Variants in MMP16 observed in about 807,000 individuals in gnomAD.
MMP16 encodes the protein matrix metalloproteinase-16.
A neutral mutation model predicts 67.8 loss-of-function variants in MMP16; 12 were observed. The observed-to-expected ratio is 0.18, with a 90% CI of 0.11 to 0.29. The LOEUF (loss-of-function observed/expected upper bound fraction) is 0.29. MMP16 is among the 10% of genes least tolerant of loss of function. The pLI, the probability that MMP16 is intolerant of heterozygous loss-of-function variation, is 1.00. For synonymous variants in MMP16, 249 were observed against 255.9 expected (o/e 0.97, Z 0.26); for missense variants, 475 against 765.7 (o/e 0.62, Z 4.48).
rs1048332484 is a variant in MMP16 at position 88,041,388 on chromosome 8, A to G, written c.*73T>C. 5.4e-6 allele frequency: 8 copies of G among 1,473,072 alleles called. No homozygotes were observed. Among genetic ancestry groups the G allele is most frequent in the South Asian group, 3.9e-5 (3 of 77,208 alleles). The allele number at this position is 1,473,072 out of a possible 1,614,324, so 91.3% of individuals were successfully genotyped here. A position where few individuals can be genotyped will look rare whatever the true frequency, so the allele number is the denominator to read the frequency against. The stretch of plus-strand genomic sequence containing the variant: ...AGCCTGCTCCTAGCTAGGAAACAGC[A>G]TAACAGCTCTTGTCTTGAATCTCAA... On this transcript the variant is annotated 3_prime_UTR_variant, in exon 10 of 10. Coordinates refer to ENST00000286614, the MANE Select transcript of MMP16 (RefSeq NM_005941.5). This position sits in a 1 kb window ranked among gnomAD's most constrained non-coding sequence, Gnocchi z 6.0.
intron 5 of MMP16, among the ~76,000 whole-genome samples, 192 bp downstream of exon 5, chr8:88,118,508 C>G (rs549329307): frequency 6.6e-6 from 1 of 152,134 alleles, no homozygotes; most frequent in South Asian, 2.1e-4. Context: ...TTCCCATAAT[C>G]TATACATTAA....
At chr8:88,113,481 G>A (rs1408006122) in intron 6 of MMP16, among the ~76,000 whole-genome samples, 4 of 151,710 alleles carry the variant, frequency 2.6e-5, no homozygotes, top group East Asian at 1.9e-4. Context: ...CAAACAATGA[G>A]CAATACTAAA....
intron 1 of MMP16, among the ~76,000 whole-genome samples, chr8:88,272,597 G>A (rs1045988375): frequency 2.6e-5 from 4 of 152,154 alleles, no homozygotes; most frequent in African/African-American, 9.7e-5. Context: ...GGGGGCAATG[G>A]GACAATTGGT....
intron 1 of MMP16, among the ~76,000 whole-genome samples, chr8:88,221,130 A>G (rs2129845838): frequency 6.6e-6 from 1 of 151,998 alleles, no homozygotes; most frequent in Admixed American, 6.6e-5. Context: ...GTACCAAAAT[A>G]GCTGGGAGGG....
At chr8:88,284,899 C>G (rs1241187538) in intron 1 of MMP16, among the ~76,000 whole-genome samples, 1 of 150,898 alleles carries the variant, frequency 6.6e-6, no homozygotes. Context: ...CTAGCCTCAG[C>G]TAATTCCTAC....
chr8:88,299,269 G>A (rs1013397254), intron 1 of MMP16, among the ~76,000 whole-genome samples: 5 of 151,988 alleles, frequency 3.3e-5, no homozygotes, highest in African/African-American at 4.8e-5. Flanking sequence ...CCCTGGCTTC[G>A]TGCTTTTGTT....
intron 6 of MMP16, among the ~76,000 whole-genome samples, chr8:88,080,408 C>A (rs1480102042): frequency 6.6e-6 from 1 of 152,010 alleles, no homozygotes; most frequent in East Asian, 1.9e-4. Context: ...CACAAGCAAT[C>A]ATGTGTTGTT....
intron 4 of MMP16, among the ~76,000 whole-genome samples, chr8:88,120,222 A>C (rs908630869): frequency 1.3e-5 from 2 of 151,982 alleles, no homozygotes; most frequent in Non-Finnish European, 2.9e-5. Flanking sequence ...GTTATTCATG[A>C]AGAGTTACAT....
At chr8:88,068,940 G>A (rs922698161) in intron 7 of MMP16, among the ~76,000 whole-genome samples, 1 of 152,086 alleles carries the variant, frequency 6.6e-6, no homozygotes, top group Admixed American at 6.6e-5. Context: ...GACCTCGAGT[G>A]ATCCACTTGC....
intron 1 of MMP16, among the ~76,000 whole-genome samples, chr8:88,241,552 T>C (rs1353482021): frequency 1.3e-5 from 2 of 152,128 alleles, no homozygotes; most frequent in Non-Finnish European, 2.9e-5. Context: ...AAAAATTATT[T>C]ATTTGATGAA....
intron 1 of MMP16, among the ~76,000 whole-genome samples, chr8:88,326,683 C>T (rs1027113853): frequency 6.6e-6 from 1 of 152,170 alleles, no homozygotes; most frequent in Non-Finnish European, 1.5e-5. Context: ...AGAAAGATTT[C>T]AGGAACAATA....
chr8:88,088,889 T>TTA (rs1808888255), intron 6 of MMP16, among the ~76,000 whole-genome samples: 1 of 152,074 alleles, frequency 6.6e-6, no homozygotes, highest in African/African-American at 2.4e-5. Context: ...TACCCATGAA[T>TTA]TACTGTTGAA....
intron 1 of MMP16, among the ~76,000 whole-genome samples, chr8:88,251,887 G>GA (rs1810229374): frequency 8.3e-6 from 1 of 120,086 alleles, no homozygotes; most frequent in Non-Finnish European, 1.7e-5. Context: ...AAAAACACAT[G>GA]AAAAAATGCT....
chr8:88,322,118 T>C (rs1811469125), intron 1 of MMP16, among the ~76,000 whole-genome samples: 1 of 152,194 alleles, frequency 6.6e-6, no homozygotes, highest in African/African-American at 2.4e-5. Flanking sequence ...TATTGAATCC[T>C]ACCCATATTA....
intron 1 of MMP16, among the ~76,000 whole-genome samples, chr8:88,255,333 C>T (rs1810285343): frequency 6.6e-6 from 1 of 152,164 alleles, no homozygotes; most frequent in African/African-American, 2.4e-5. Context: ...CTTCCTGAGG[C>T]CCTCGCCAGA....
At chr8:88,151,677 C>CACAACAT (rs1465979421) in intron 4 of MMP16, among the ~76,000 whole-genome samples, 3 of 150,578 alleles carry the variant, frequency 2.0e-5, no homozygotes, top group African/African-American at 7.4e-5. Flanking sequence ...AGAACAAAGA[C>CACAACAT]ACAACATACC....
intron 6 of MMP16, among the ~76,000 whole-genome samples, chr8:88,109,283 A>AT (rs1236613366): frequency 6.6e-6 from 1 of 150,960 alleles, no homozygotes; most frequent in Non-Finnish European, 1.5e-5. Flanking sequence ...AATAGTTTTA[A>AT]TTTTTTCTGT....
At chr8:88,126,623 T>C (rs1026958565) in intron 4 of MMP16, among the ~76,000 whole-genome samples, 3 of 151,898 alleles carry the variant, frequency 2.0e-5, no homozygotes, top group Non-Finnish European at 2.9e-5. Flanking sequence ...TTAACTAACA[T>C]GATTGTGGTA....
chr8:88,197,091 A>C, intron 2 of MMP16, 67 bp downstream of exon 2: 1 of 1,494,104 alleles, frequency 6.7e-7, no homozygotes, highest in East Asian at 2.5e-5. Flanking sequence ...AGTTCATATA[A>C]AGTTTTCCAG....
Sources: allele counts gnomAD v4.1 joint callset (sites outside exome capture counted in the v4.1 genomes callset), GRCh38; gene constraint gnomAD v4.1.1; non-coding constraint Gnocchi (gnomAD v3.1); transcripts MANE v1.5; gene names NCBI Gene and HGNC (gene_info 2026-07-23, HGNC 2026-07-21).